The following GPD2 variants were observed in gnomAD, a reference collection of about 807,000 sequenced individuals.
GPD2 encodes the protein glycerol-3-phosphate dehydrogenase 2, also known as glycerol-3-phosphate dehydrogenase, mitochondrial.
GPD2 carries 54 observed loss-of-function variants against 82.4 expected under a neutral mutation model. The ratio of observed to expected loss-of-function variants is 0.66; its 90% CI spans 0.53 to 0.82. The LOEUF is 0.82. GPD2 is among the 40% of genes least tolerant of loss of function. The pLI is 0.00. For missense variants in GPD2, 748 were observed against 896.2 expected (o/e 0.83, Z 2.11); for synonymous variants, 288 against 306.1 (o/e 0.94, Z 0.62).
chr2:156,418,918 T>G, the GPD2 span, among the ~76,000 whole-genome samples: 2 of 152,070 alleles, frequency 1.3e-5, no homozygotes, highest in Non-Finnish European at 2.9e-5. Context: ...TAGATGGATC[T>G]GGATTGCAGG....
intron 6 of GPD2, among the ~76,000 whole-genome samples, chr2:156,539,325 T>C (rs1686213193): frequency 6.6e-6 from 1 of 152,150 alleles, no homozygotes. Context: ...GAAAGGGACG[T>C]CCCCAGAACC....
chr2:156,436,220 G>C (rs941759419), upstream of GPD2, among the ~76,000 whole-genome samples: 1 of 152,238 alleles, frequency 6.6e-6, no homozygotes, highest in Non-Finnish European at 1.5e-5. Flanking sequence ...GGCCGGAGGA[G>C]CCTGGGCCCG....
At chr2:156,525,724 A>T (rs1685582651) in intron 6 of GPD2, among the ~76,000 whole-genome samples, 1 of 152,216 alleles carries the variant, frequency 6.6e-6, no homozygotes, top group Non-Finnish European at 1.5e-5. Context: ...TATTTCCTAT[A>T]AGTGTGGTTA....
chr2:156,490,387 GAAA>G (rs5835615), intron 2 of GPD2, among the ~76,000 whole-genome samples: 1 of 129,960 alleles, frequency 7.7e-6, no homozygotes. Flanking sequence ...AGCTTTTATG[GAAA>G]AAAAAAAAAA....
chr2:156,432,033 T>A (rs565993960), upstream of GPD2, among the ~76,000 whole-genome samples: 1 of 151,974 alleles, frequency 6.6e-6, no homozygotes, highest in South Asian at 2.1e-4. Context: ...ACTACAGGCG[T>A]GTGCCACCAG....
In GPD2 at chr2:156,586,022, ATTAT is replaced by A. The variant is rs1688204133; in HGVS notation, c.*3110_*3113del. The A allele has an allele frequency of 6.6e-6, 1 of 152,298 alleles. No homozygotes were observed. The highest frequency in any genetic ancestry group is 2.4e-5 in the African/African-American group (1 of 41,380). 9.4% of individuals were successfully genotyped at this position (152,298 alleles called of 1,614,324 possible). On this transcript the variant is annotated 3_prime_UTR_variant, in exon 17 of 17. Transcript: ENST00000438166. ...ATAACTGTCTTGGTGTTTTATGGCC[ATTAT>A]TTATTACTTTTGATACACAGAATGA...
At chr2:156,508,579 T>G (rs1684870168) in intron 3 of GPD2, among the ~76,000 whole-genome samples, 1 of 152,194 alleles carries the variant, frequency 6.6e-6, no homozygotes, top group Non-Finnish European at 1.5e-5. Flanking sequence ...CTGCTTGTCC[T>G]CTCTCAACCT....
chr2:156,564,083 T>G (rs2105355580), intron 9 of GPD2, among the ~76,000 whole-genome samples: 1 of 152,220 alleles, frequency 6.6e-6, no homozygotes, highest in South Asian at 2.1e-4. Context: ...ACATACTAAA[T>G]TTAATAGAAT....
intron 9 of GPD2, among the ~76,000 whole-genome samples, chr2:156,561,094 C>A (rs1413407188): frequency 1.2e-5 from 1 of 85,834 alleles, no homozygotes; most frequent in Non-Finnish European, 2.2e-5. Flanking sequence ...GTAGCTCAGG[C>A]TGGTATGCAG....
the GPD2 span, among the ~76,000 whole-genome samples, chr2:156,400,386 A>G: frequency 6.6e-6 from 1 of 152,242 alleles, no homozygotes; most frequent in Non-Finnish European, 1.5e-5. Flanking sequence ...CAGAGGCCGG[A>G]CACACCACGG....
intron 13 of GPD2, among the ~76,000 whole-genome samples, chr2:156,573,818 G>A (rs1056465988): frequency 6.6e-6 from 1 of 152,162 alleles, no homozygotes; most frequent in Non-Finnish European, 1.5e-5. Flanking sequence ...GAATTAAAAG[G>A]TTAGAAAGTT....
intron 5 of GPD2, 105 bp from the exon 6 acceptor site, chr2:156,513,228 G>T (rs1401861824): frequency 1.1e-6 from 1 of 869,634 alleles, no homozygotes; most frequent in East Asian, 2.4e-5. Context: ...TCCACTTCTA[G>T]GTATGCTTTG....
At chr2:156,551,193 A>G (rs1033648738) in intron 8 of GPD2, among the ~76,000 whole-genome samples, 1 of 88,426 alleles carries the variant, frequency 1.1e-5, no homozygotes, top group Non-Finnish European at 2.8e-5. Flanking sequence ...TAACTTTTGA[A>G]ATAGATTAAA....
At chr2:156,439,699 T>A (rs1682094970) in intron 1 of GPD2, among the ~76,000 whole-genome samples, 1 of 151,196 alleles carries the variant, frequency 6.6e-6, no homozygotes, top group Non-Finnish European at 1.5e-5. Flanking sequence ...ATACAAAAAT[T>A]AGCCGGGCAT....
chr2:156,481,247 C>T (rs918149778), intron 2 of GPD2, among the ~76,000 whole-genome samples: 5 of 152,000 alleles, frequency 3.3e-5, no homozygotes, highest in Middle Eastern at 3.2e-3. Context: ...CAACATGTAA[C>T]GATCAAATCA....
intron 2 of GPD2, 36 bp downstream of exon 2, chr2:156,476,243 A>G: frequency 9.1e-7 from 1 of 1,099,144 alleles, no homozygotes; most frequent in South Asian, 1.2e-5. Flanking sequence ...ACAGTATGCA[A>G]CTTAAATCTG....
chr2:156,439,268 A>T (rs1398898414), intron 1 of GPD2, among the ~76,000 whole-genome samples: 3 of 151,978 alleles, frequency 2.0e-5, no homozygotes, highest in Non-Finnish European at 4.4e-5. Context: ...TCCACCTTTA[A>T]CACACTTGCT....
chr2:156,421,447 G>A, the GPD2 span, among the ~76,000 whole-genome samples: 1 of 152,144 alleles, frequency 6.6e-6, no homozygotes, highest in Admixed American at 6.5e-5. Context: ...TAGAAGAGTA[G>A]GATAAAAGGT....
the GPD2 span, among the ~76,000 whole-genome samples, chr2:156,428,970 A>G: frequency 7.9e-5 from 12 of 152,224 alleles, no homozygotes; most frequent in Non-Finnish European, 5.9e-5. Context: ...AATTAGGTCA[A>G]TGCCTACATG....
Sources: allele counts gnomAD v4.1 joint callset (sites outside exome capture counted in the v4.1 genomes callset), GRCh38; gene constraint gnomAD v4.1.1; transcripts MANE v1.5; gene names NCBI Gene and HGNC (gene_info 2026-07-23, HGNC 2026-07-21).